Variants in RPAIN observed in about 807,000 individuals in gnomAD.
RPAIN encodes the protein RPA-interacting protein.
A neutral mutation model predicts 30.5 loss-of-function variants in RPAIN; 29 were observed. The ratio of observed to expected loss-of-function variants is 0.95; its 90% CI spans 0.71 to 1.30. The LOEUF (loss-of-function observed/expected upper bound fraction) is 1.30. RPAIN is among the 50% of genes most tolerant of loss of function. The probability of loss-of-function intolerance (pLI) is 0.00; values close to 1 mark genes in which losing one functional copy is unlikely to be tolerated. For synonymous variants in RPAIN, 101 were observed against 93.5 expected, an observed-to-expected ratio of 1.08 and a Z score of -0.46; for missense variants, 247 against 264.7, an observed-to-expected ratio of 0.93 and a Z score of 0.46.
Position 5,422,842 on chromosome 17 carries a change from G to A in RPAIN, c.313+13G>A, listed in dbSNP as rs2189336. 0.54 allele frequency: 849,740 copies of A among 1,574,046 alleles called. 245,100 individuals are homozygous for A. Among genetic ancestry groups the A allele is most frequent in the East Asian group, 0.97 (43,271 of 44,412 alleles). ...CTGATCAACCAAGGTAACCCCTAGT[G>A]GTAGTCCTTCCTTACCTGTATTTAG... On this transcript the variant is annotated intron_variant, in intron 3 of 6. Transcript: ENST00000381209.
rs911214018 is a variant in RPAIN at position 5,420,931 on chromosome 17, C to G, written c.82-365C>G. Among the ~76,000 whole-genome samples the G allele has an allele frequency of 6.6e-5, 10 of 152,294 alleles. No individual in the cohort carries two copies. In the East Asian group the frequency reaches 1.9e-3, roughly 29 times the overall value. On this transcript the variant is annotated intron_variant, in intron 1 of 6. Coordinates refer to ENST00000381209, the MANE Select transcript of RPAIN (RefSeq NM_001033002.4). ...CCAAATGTTCCTTGGGGGACAAAAC[C>G]TCCCTGAGTTCAGAAACGCTGCTGT...
At chr17:5,423,897 C>T (rs191583006) in intron 3 of RPAIN, among the ~76,000 whole-genome samples, 9 of 151,382 alleles carry the variant, frequency 5.9e-5, no homozygotes, top group African/African-American at 1.2e-4. Flanking sequence ...GGATCATAGG[C>T]GTGTGCCACC....
chr17:5,428,251 C>T (rs766209237), intron 6 of RPAIN, 40 bp downstream of exon 6: 3 of 1,613,814 alleles, frequency 1.9e-6, no homozygotes, highest in African/African-American at 1.3e-5. Flanking sequence ...TAAGAGGGAC[C>T]TGTGGTTGGT....
At chr17:5,430,950 A>G in intron 6 of RPAIN, 1 of 159,662 alleles carries the variant, frequency 6.3e-6, no homozygotes, top group Non-Finnish European at 1.4e-5. Flanking sequence ...GGTAAGTGGA[A>G]GATGGCCTAA....
Position 5,422,777 on chromosome 17 carries a change from G to A in RPAIN, c.261G>A (p.Glu87=), listed in dbSNP as rs756336695. ...NCPEDLAQLE[E]LIDMAVLEEI... is the part of the protein sequence containing the mutation. ...GCTCCTTTCTCTTCCAGCTGGAGGA[G>A]CTGATAGACATGGCTGTGCTGGAGG... Residue 87 remains glutamate, a synonymous_variant, in exon 3 of 7, where the codon GAG becomes GAA. Coordinates refer to ENST00000381209, the MANE Select transcript of RPAIN (RefSeq NM_001033002.4). The A allele has an allele frequency of 2.2e-5, 35 of 1,613,182 alleles. No homozygotes were observed. Among genetic ancestry groups the A allele is most frequent in the Non-Finnish European group, 2.7e-5 (32 of 1,179,556 alleles).
intron 3 of RPAIN, among the ~76,000 whole-genome samples, chr17:5,424,161 T>A (rs35491297): frequency 2.0e-4 from 31 of 151,498 alleles, no homozygotes; most frequent in Non-Finnish European, 3.4e-4. Flanking sequence ...CTAATTTTTT[T>A]ATTTTTTTGT....
At chr17:5,428,983 T>C (rs759699423) in intron 6 of RPAIN, 147 of 960,098 alleles carry the variant, frequency 1.5e-4, no homozygotes, top group Non-Finnish European at 1.7e-4. Flanking sequence ...ATTTTTATTA[T>C]AAGCAGCATT....
intron 2 of RPAIN, 27 bp from the exon 3 acceptor site, chr17:5,422,742 T>C (rs764016338): frequency 1.7e-5 from 28 of 1,610,306 alleles, no homozygotes; most frequent in Non-Finnish European, 8.5e-7. Flanking sequence ...TACTTCAAAC[T>C]TCTGATGCCG....
Position 5,432,790 on chromosome 17 carries a change from A to G in RPAIN, c.*219A>G. 1.3e-6 allele frequency: 1 copy of G among 792,700 alleles called. No homozygotes were observed. The highest frequency in any genetic ancestry group is 2.3e-5 in the South Asian group (1 of 43,874). The allele number at this position is 792,700 out of a possible 1,614,324, so 49.1% of individuals were successfully genotyped here. On this transcript the variant is annotated 3_prime_UTR_variant, in exon 7 of 7. Transcript: ENST00000381209. ...AGACAAACTGCCTTGGAGGAGATAA[A>G]CCAATTTTATGTCTATCATGTTATA... is the stretch of plus-strand genomic sequence containing the variant.
At chr17:5,431,423 G>T (rs1367936621) in intron 6 of RPAIN, 1 of 451,020 alleles carries the variant, frequency 2.2e-6, no homozygotes, top group Non-Finnish European at 4.4e-6. Flanking sequence ...GGAGGCAGAG[G>T]TTGCAGTGAG....
In RPAIN at chr17:5,422,543, C is replaced by T. The variant is rs77560378; in HGVS notation, c.253-226C>T. Among the ~76,000 whole-genome samples, 7 of 152,312 alleles carry T rather than the reference C, an allele frequency of 4.6e-5. No homozygotes were observed. The East Asian group carries it at 9.6e-4, about 21-fold the overall frequency. On this transcript the variant is annotated intron_variant, in intron 2 of 6. Coordinates refer to ENST00000381209, the MANE Select transcript of RPAIN (RefSeq NM_001033002.4). ...ACCTAACTGCTACCCTATATCGTCT[C>T]TCCAAAATTGGGTACCATTATTTTG...
intron 6 of RPAIN, chr17:5,431,279 G>T: frequency 2.8e-6 from 1 of 362,338 alleles, no homozygotes; most frequent in Non-Finnish European, 5.4e-6. Flanking sequence ...TTGAGGCCAG[G>T]AATTCAAGAC....
intron 6 of RPAIN, chr17:5,430,305 A>G (rs1290478338): frequency 6.6e-6 from 1 of 152,012 alleles, no homozygotes; most frequent in Non-Finnish European, 1.5e-5. Flanking sequence ...TCTCTACTAA[A>G]AATACAAAAA....
intron 1 of RPAIN, among the ~76,000 whole-genome samples, chr17:5,420,998 T>C (rs930587856): frequency 1.3e-5 from 2 of 152,164 alleles, no homozygotes; most frequent in Admixed American, 6.5e-5. Flanking sequence ...GTAGCAAGAA[T>C]TTGGAAGGAA....
chr17:5,423,061 C>T, intron 3 of RPAIN: 1 of 425,020 alleles, frequency 2.4e-6, no homozygotes, highest in Non-Finnish European at 4.1e-6. Context: ...CTGTTTTCTC[C>T]ATGTGACTGC....
chr17:5,422,706 C>T lies in RPAIN; in HGVS notation c.253-63C>T, dbSNP rs1192840457. 9.5e-6 allele frequency: 14 copies of T among 1,480,538 alleles called. No homozygotes were observed. In the Admixed American group the frequency reaches 1.9e-4, roughly 20 times the overall value. The allele number at this position is 1,480,538 out of a possible 1,614,324, so 91.7% of individuals were successfully genotyped here. A position where few individuals can be genotyped will look rare whatever the true frequency, so the allele number is the denominator to read the frequency against. ...TTCAAGCCAGCCTCCAAGTATGAATCACTGTGGGGCTTGGTTGGTGATTAA... is the reference window on the plus strand; with the variant it reads ...TTCAAGCCAGCCTCCAAGTATGAATTACTGTGGGGCTTGGTTGGTGATTAA... On this transcript the variant is annotated intron_variant, in intron 2 of 6. Transcript: ENST00000381209.
intron 6 of RPAIN, chr17:5,431,862 A>C (rs551852120): frequency 3.0e-6 from 1 of 337,696 alleles, no homozygotes; most frequent in East Asian, 8.5e-5. Context: ...GTGGTAAGAA[A>C]CAAGAGTAAC....
intron 6 of RPAIN, chr17:5,429,282 T>A: frequency 1.0e-6 from 1 of 985,410 alleles, no homozygotes; most frequent in Non-Finnish European, 1.2e-6. Flanking sequence ...TGGACAGACA[T>A]GGAGATCTGG....
chr17:5,432,543 CCTGTGATACTTGGG>C lies in RPAIN; in HGVS notation c.640_653del (p.Thr214ProfsTer14), dbSNP rs776429526. The C allele has an allele frequency of 9.3e-6, 15 of 1,613,468 alleles. No individual in the cohort carries two copies. The highest frequency in any genetic ancestry group is 5.0e-5 in the Admixed American group (3 of 59,990). On this transcript the variant is annotated frameshift_variant and splice_region_variant, in exon 7 of 7. Transcript: ENST00000381209. LOFTEE classifies it high-confidence loss of function. ...AATTATTTTCCTGTTTAAACCTAGG[CCTGTGATACTTGGG>C]CTGTGATCCTCTAGAGCCAGCTTGG...
Sources: gnomAD v4.1 joint callset for allele counts (sites outside exome capture counted in the v4.1 genomes callset) on GRCh38, gnomAD v4.1.1 for gene constraint, MANE v1.5 for transcripts, NCBI Gene and HGNC (gene_info 2026-07-23, HGNC 2026-07-21) for gene names.